PPM1E: variants seen among roughly 807,000 people sequenced by gnomAD.
The protein encoded by PPM1E is protein phosphatase 1E.
In PPM1E, 20 loss-of-function variants were observed where a neutral mutation model predicts 65.9. The ratio of observed to expected loss-of-function variants is 0.30; its 90% CI spans 0.21 to 0.44. The LOEUF is 0.44. Among genes scored for constraint, PPM1E ranks in the 20% least tolerant of loss-of-function variants. The pLI, the probability that PPM1E is intolerant of heterozygous loss-of-function variation, is 1.00. For missense variants in PPM1E, 713 were observed against 953.1 expected, an observed-to-expected ratio of 0.75 and a Z score of 3.32; for synonymous variants, 352 against 374.9, an observed-to-expected ratio of 0.94 and a Z score of 0.70.
intron 1 of PPM1E, among the ~76,000 whole-genome samples, chr17:58,934,307 A>T (rs998150013): frequency 1.3e-5 from 2 of 152,188 alleles, no homozygotes. Context: ...TGTAGTGTGC[A>T]CAAAAAGTTA....
chr17:58,812,404 G>A lies in PPM1E; in HGVS notation c.464+55943G>A, dbSNP rs575605901. ...ATAGCAGGAGATATGTTTGATAGTA[G>A]TTCTGTCATAAGAAAATGGTAGGAG... On this transcript the variant is annotated intron_variant, in intron 1 of 6. Transcript: ENST00000308249. Among the ~76,000 whole-genome samples, 17 of 150,912 alleles carry A rather than the reference G, an allele frequency of 1.1e-4. No individual in the cohort carries two copies. The East Asian group carries it at 3.3e-3, about 29-fold the overall frequency.
At chr17:58,788,253 G>C (rs2050122155) in intron 1 of PPM1E, among the ~76,000 whole-genome samples, 1 of 152,060 alleles carries the variant, frequency 6.6e-6, no homozygotes, top group Non-Finnish European at 1.5e-5. Context: ...GTTTCACCGT[G>C]TTGGCAAGGC....
At chr17:58,889,190 T>G (rs1386799231) in intron 1 of PPM1E, among the ~76,000 whole-genome samples, 1 of 152,238 alleles carries the variant, frequency 6.6e-6, no homozygotes, top group Non-Finnish European at 1.5e-5. Context: ...ATTACCTGCT[T>G]CTTTTTCATT....
chr17:58,979,045 ATAAC>A (rs1245358781), intron 6 of PPM1E, among the ~76,000 whole-genome samples: 1 of 152,170 alleles, frequency 6.6e-6, no homozygotes, highest in African/African-American at 2.4e-5. Context: ...CTGCCTGGTG[ATAAC>A]TAACTTACCC....
At chr17:58,824,576 T>C (rs1462893284) in intron 1 of PPM1E, among the ~76,000 whole-genome samples, 4 of 151,258 alleles carry the variant, frequency 2.6e-5, no homozygotes, top group Non-Finnish European at 5.9e-5. Flanking sequence ...ATAATGCTGT[T>C]GTTTGCTTCT....
At chr17:58,832,757 G>A (rs866524243) in intron 1 of PPM1E, among the ~76,000 whole-genome samples, 23 of 152,122 alleles carry the variant, frequency 1.5e-4, no homozygotes, top group African/African-American at 4.6e-4. Flanking sequence ...ACTGACATTG[G>A]TACAATACTA....
intron 1 of PPM1E, among the ~76,000 whole-genome samples, chr17:58,774,159 T>TCC (rs71367625): frequency 8.9e-4 from 119 of 133,822 alleles, no homozygotes; most frequent in East Asian, 1.7e-3. Flanking sequence ...GGAAACTCTG[T>TCC]CCCCCCCCCC....
intron 1 of PPM1E, among the ~76,000 whole-genome samples, chr17:58,840,792 G>T (rs1184314596): frequency 6.6e-6 from 1 of 152,176 alleles, no homozygotes; most frequent in African/African-American, 2.4e-5. Context: ...GATTGTGGTG[G>T]GTTGCAGCTG....
intron 1 of PPM1E, among the ~76,000 whole-genome samples, chr17:58,758,630 A>C (rs761599157): frequency 2.6e-5 from 4 of 152,226 alleles, no homozygotes; most frequent in Non-Finnish European, 5.9e-5. Context: ...ATTTGAAATA[A>C]AACTAGCAAA....
chr17:58,812,926 T>TGAAAATTTTTCAGAAG, intron 1 of PPM1E, among the ~76,000 whole-genome samples: 2 of 152,250 alleles, frequency 1.3e-5, no homozygotes, highest in South Asian at 2.1e-4. Flanking sequence ...GAAATACAAA[T>TGAAAATTTTTCAGAAG]CATGAAAAAT....
At chr17:58,895,949 CA>C (rs34230027) in intron 1 of PPM1E, among the ~76,000 whole-genome samples, 2,628 of 127,702 alleles carry the variant, frequency 0.021, 53 homozygotes, top group African/African-American at 0.062. Context: ...GCTAAACATA[CA>C]AAAAAAAAAA....
intron 1 of PPM1E, among the ~76,000 whole-genome samples, chr17:58,954,472 A>G (rs1273679899): frequency 6.6e-6 from 1 of 152,174 alleles, no homozygotes; most frequent in Non-Finnish European, 1.5e-5. Context: ...AGGCCCATGT[A>G]TCTGGTCTTT....
At chr17:58,958,439 G>GGGCTCAA (rs1224952746) in intron 2 of PPM1E, among the ~76,000 whole-genome samples, 2 of 151,786 alleles carry the variant, frequency 1.3e-5, no homozygotes, top group Admixed American at 1.3e-4. Flanking sequence ...TTGAACTCCT[G>GGGCTCAA]GGCTCAAGTG....
At position 58,874,539 on chromosome 17, in the gene PPM1E, G is replaced by A. The variant is rs546195168; in HGVS notation, c.465-81110G>A. Among the ~76,000 whole-genome samples, 4 of 152,282 alleles carry A rather than the reference G, an allele frequency of 2.6e-5. No homozygotes were observed. In the East Asian group the frequency reaches 7.7e-4, roughly 29 times the overall value. ...TATTTTATGTCTGAGAATATAAGAT[G>A]AATTATGTTTATACTGTAAGATATC... On this transcript the variant is annotated intron_variant, in intron 1 of 6. Coordinates refer to ENST00000308249, the MANE Select transcript of PPM1E (RefSeq NM_014906.5).
chr17:58,888,449 C>T (rs963242343), intron 1 of PPM1E, among the ~76,000 whole-genome samples: 1 of 148,332 alleles, frequency 6.7e-6, no homozygotes. Flanking sequence ...ACTGCAACCT[C>T]CACCTCCTGA....
intron 1 of PPM1E, among the ~76,000 whole-genome samples, chr17:58,847,678 G>A (rs2143247333): frequency 6.6e-6 from 1 of 152,302 alleles, no homozygotes; most frequent in African/African-American, 2.4e-5. Flanking sequence ...CTGTAGCCTT[G>A]TAGTATAGTT....
chr17:58,903,449 A>G (rs2051520566), intron 1 of PPM1E, among the ~76,000 whole-genome samples: 1 of 152,240 alleles, frequency 6.6e-6, no homozygotes, highest in Non-Finnish European at 1.5e-5. Flanking sequence ...TCAAGCTTCC[A>G]GAAAATGAAA....
At chr17:58,770,547 A>G (rs2049927240) in intron 1 of PPM1E, among the ~76,000 whole-genome samples, 2 of 152,154 alleles carry the variant, frequency 1.3e-5, no homozygotes, top group Non-Finnish European at 2.9e-5. Context: ...TAAATTAAAC[A>G]AGTAAAATAT....
intron 1 of PPM1E, among the ~76,000 whole-genome samples, chr17:58,829,838 A>G (rs369802523): frequency 1.3e-5 from 2 of 152,196 alleles, no homozygotes; most frequent in African/African-American, 4.8e-5. Flanking sequence ...AACCTGAAAT[A>G]TCTTTATTCC....
Sources: gnomAD v4.1 joint callset for allele counts (sites outside exome capture counted in the v4.1 genomes callset) on GRCh38, gnomAD v4.1.1 for gene constraint, MANE v1.5 for transcripts, NCBI Gene and HGNC (gene_info 2026-07-23, HGNC 2026-07-21) for gene names.